THRAP3: variants seen among roughly 807,000 people sequenced by gnomAD.
The protein encoded by THRAP3 is thyroid hormone receptor associated protein 3, also known as thyroid hormone receptor-associated protein 3.
In THRAP3, 16 loss-of-function variants were observed where a neutral mutation model predicts 101.0. The ratio of observed to expected loss-of-function variants is 0.16; its 90% confidence interval spans 0.11 to 0.24. The LOEUF is 0.24. THRAP3 is among the 10% of genes least tolerant of loss of function. THRAP3 has a pLI of 1.00. For synonymous variants in THRAP3, 407 were observed against 422.6 expected (o/e 0.96, Z 0.45); for missense variants, 989 against 1,202.7 (o/e 0.82, Z 2.63).
At position 36,282,669 on chromosome 1, in the gene THRAP3, T is replaced by G; in HGVS notation, c.106T>G (p.Ser36Ala). 1 of 1,614,036 alleles carries G rather than the reference T, an allele frequency of 6.2e-7. No individual in the cohort carries two copies. Among genetic ancestry groups the G allele is most frequent in the South Asian group, 1.1e-5 (1 of 91,078 alleles). The change falls in exon 3 of 12, where the codon TCT (serine) becomes GCT (alanine). Residue 36 changes from serine to alanine, a missense_variant. By Grantham distance (99) the Ser-to-Ala change is moderately conservative. Transcript: ENST00000354618. ...TTCGAAGTCTCGGTCCCGAAGCCGA[T>G]CTCTCTCTCGTTCAAGGAAGCGCAG... ...SFSKSRSRSR[S>A]LSRSRKRRLS...
intron 2 of THRAP3, among the ~76,000 whole-genome samples, chr1:36,275,871 T>C (rs1645653191): frequency 6.6e-6 from 1 of 151,704 alleles, no homozygotes; most frequent in South Asian, 2.1e-4. Context: ...ATACAAATAT[T>C]AGCCAGGCAT....
intron 2 of THRAP3, among the ~76,000 whole-genome samples, chr1:36,267,326 T>TA (rs1645528735): frequency 6.6e-6 from 1 of 152,178 alleles, no homozygotes; most frequent in East Asian, 1.9e-4. Context: ...GCTGAAGTAG[T>TA]AAAAAAGGAA....
At chr1:36,264,931 T>C (rs977668520) in intron 2 of THRAP3, among the ~76,000 whole-genome samples, 1 of 152,186 alleles carries the variant, frequency 6.6e-6, no homozygotes, top group African/African-American at 2.4e-5. Flanking sequence ...TTGGTTCTTC[T>C]AGAGAGCCAT....
Position 36,247,189 on chromosome 1 carries a change from C to T in THRAP3, c.-134-12193C>T, listed in dbSNP as rs565652421. On this transcript the variant is annotated intron_variant, in intron 1 of 11. Transcript: ENST00000354618. The stretch of plus-strand genomic sequence containing the variant: ...AAAATTAGCTGTGTGTGGTGGTGGG[C>T]GCCTGTAATCCCAGCTACTCGAGAG... Among the ~76,000 whole-genome samples the T allele has an allele frequency of 3.8e-3, 584 of 151,988 alleles. 1 individual carries two copies. Among genetic ancestry groups the T allele is most frequent in the Non-Finnish European group, 6.1e-3 (414 of 67,966 alleles).
chr1:36,256,040 A>G (rs1308522930), intron 1 of THRAP3, among the ~76,000 whole-genome samples: 1 of 151,754 alleles, frequency 6.6e-6, no homozygotes, highest in Non-Finnish European at 1.5e-5. Context: ...TTTTTGAGAC[A>G]AGGTCTTGCT....
intron 1 of THRAP3, among the ~76,000 whole-genome samples, chr1:36,231,360 G>A (rs1645025967): frequency 6.6e-6 from 1 of 152,124 alleles, no homozygotes; most frequent in Non-Finnish European, 1.5e-5. Context: ...TGTTTAGCTG[G>A]TATGTGTTCA....
chr1:36,222,271 C>A (rs1644905926), upstream of THRAP3, among the ~76,000 whole-genome samples: 1 of 152,142 alleles, frequency 6.6e-6, no homozygotes, highest in Admixed American at 6.6e-5. Flanking sequence ...ACACAATAGA[C>A]TACAGTATGA....
chr1:36,225,644 C>G (rs1366356380), intron 1 of THRAP3, among the ~76,000 whole-genome samples: 2 of 151,836 alleles, frequency 1.3e-5, no homozygotes, highest in Non-Finnish European at 2.9e-5. Flanking sequence ...ATGACCCTGA[C>G]TTTTTTCGTT....
intron 2 of THRAP3, among the ~76,000 whole-genome samples, chr1:36,270,545 T>C (rs539007489): frequency 2.9e-4 from 43 of 150,156 alleles, no homozygotes; most frequent in South Asian, 1.9e-3. Context: ...CTCTAAATAA[T>C]TAAAAATACA....
At chr1:36,233,479 C>A (rs1645051831) in intron 1 of THRAP3, among the ~76,000 whole-genome samples, 1 of 150,970 alleles carries the variant, frequency 6.6e-6, no homozygotes, top group Non-Finnish European at 1.5e-5. Context: ...GCACTCCAGC[C>A]TTCCAGCCTG....
intron 1 of THRAP3, among the ~76,000 whole-genome samples, chr1:36,240,647 A>G (rs1017678781): frequency 1.3e-5 from 2 of 152,188 alleles, no homozygotes; most frequent in Non-Finnish European, 2.9e-5. Context: ...TGTCCAGTCA[A>G]GTTGACACCT....
At chr1:36,209,053 T>C in the THRAP3 span, among the ~76,000 whole-genome samples, 2 of 140,338 alleles carry the variant, frequency 1.4e-5, no homozygotes, top group Admixed American at 7.8e-5. Context: ...CGTGGCTCAC[T>C]GCAGCCTCGA....
At chr1:36,224,120 T>C (rs1030211690), upstream of THRAP3, among the ~76,000 whole-genome samples, 1 of 152,108 alleles carries the variant, frequency 6.6e-6, no homozygotes, top group Non-Finnish European at 1.5e-5. Context: ...GGGCTCAGAC[T>C]CTCCCTCCAG....
intron 9 of THRAP3, among the ~76,000 whole-genome samples, chr1:36,299,345 G>A (rs533960852): frequency 6.6e-6 from 1 of 151,780 alleles, no homozygotes; most frequent in South Asian, 2.1e-4. Flanking sequence ...AGGCTGAGGC[G>A]GGAGAATCGT....
intron 4 of THRAP3, chr1:36,288,402 A>G (rs572891383): frequency 7.5e-4 from 742 of 985,408 alleles, no homozygotes; most frequent in Middle Eastern, 1.0e-3. Context: ...ATTTTAAAAC[A>G]TAAGTTTTGT....
chr1:36,291,697 A>T (rs1240436804), intron 6 of THRAP3, 151 bp downstream of exon 6: 1 of 772,758 alleles, frequency 1.3e-6, no homozygotes, highest in Non-Finnish European at 2.0e-6. Context: ...CCATTCAAGA[A>T]GCAGTTTCCA....
intron 1 of THRAP3, among the ~76,000 whole-genome samples, chr1:36,246,422 G>A (rs1245991326): frequency 1.3e-5 from 2 of 152,114 alleles, no homozygotes; most frequent in African/African-American, 2.4e-5. Flanking sequence ...TAGTAGAGAC[G>A]GGGTTTCACC....
At chr1:36,246,246 A>G (rs2124430610) in intron 1 of THRAP3, among the ~76,000 whole-genome samples, 1 of 152,318 alleles carries the variant, frequency 6.6e-6, no homozygotes, top group South Asian at 2.1e-4. Flanking sequence ...CAAGCACAGT[A>G]TATAGGAATA....
At chr1:36,277,528 C>T (rs1332851523) in intron 2 of THRAP3, among the ~76,000 whole-genome samples, 2 of 148,440 alleles carry the variant, frequency 1.3e-5, no homozygotes, top group Non-Finnish European at 3.0e-5. Context: ...ATTTTGGAGA[C>T]AGATAACGTG....
Sources: gnomAD v4.1 joint callset for allele counts (sites outside exome capture counted in the v4.1 genomes callset) on GRCh38, gnomAD v4.1.1 for gene constraint, MANE v1.5 for transcripts, NCBI Gene and HGNC (gene_info 2026-07-23, HGNC 2026-07-21) for gene names.